Variants in MEIS3 observed in about 807,000 individuals in gnomAD.
MEIS3 encodes homeobox protein Meis3.
Under a neutral mutation model 51.4 loss-of-function variants are expected in MEIS3, and 38 were observed. The observed-to-expected ratio is 0.74, with a 90% confidence interval of 0.57 to 0.97. MEIS3 has a LOEUF of 0.97. MEIS3 is among the 50% of genes least tolerant of loss of function. The probability of loss-of-function intolerance (pLI) is 0.00; values close to 1 mark genes in which losing one functional copy is unlikely to be tolerated. For synonymous variants in MEIS3, 198 were observed against 201.8 expected (o/e 0.98, Z 0.16); for missense variants, 456 against 502.6 (o/e 0.91, Z 0.89).
intron 6 of MEIS3, among the ~76,000 whole-genome samples, chr19:47,410,715 G>A (rs1014843204): frequency 6.6e-6 from 1 of 151,488 alleles, no homozygotes; most frequent in African/African-American, 2.4e-5. Flanking sequence ...GCAGTGAGCC[G>A]AGATCACACC....
chr19:47,407,891 T>C (rs1351377116), intron 8 of MEIS3, among the ~76,000 whole-genome samples: 1 of 152,092 alleles, frequency 6.6e-6, no homozygotes, highest in Non-Finnish European at 1.5e-5. Flanking sequence ...CACCGCAAAC[T>C]CCGCCTCCGG....
chr19:47,420,889 C>T (rs1331388149), upstream of MEIS3, among the ~76,000 whole-genome samples: 4 of 124,114 alleles, frequency 3.2e-5, no homozygotes, highest in Non-Finnish European at 7.0e-5. Context: ...GTCTCTGTCT[C>T]TCGCTCTCTC....
At chr19:47,417,602 G>C (rs1256236145) in intron 1 of MEIS3, 16 of 703,456 alleles carry the variant, frequency 2.3e-5, no homozygotes, top group Non-Finnish European at 3.4e-5. Context: ...CAGAGGGAGA[G>C]ACGGCAGGGT....
chr19:47,419,838 G>C (rs1971640672), upstream of MEIS3, among the ~76,000 whole-genome samples: 1 of 151,960 alleles, frequency 6.6e-6, no homozygotes, highest in Non-Finnish European at 1.5e-5. Flanking sequence ...CTGGCTCTCT[G>C]TTCTCCGAGC....
At chr19:47,417,514 C>T (rs1187631595) in intron 1 of MEIS3, 164 bp from the exon 2 acceptor site, 2 of 862,096 alleles carry the variant, frequency 2.3e-6, no homozygotes, top group Non-Finnish European at 3.8e-6. Context: ...TGAAGCCCTC[C>T]AGGTCCCCTG....
chr19:47,419,875 C>T (rs188637337), upstream of MEIS3, among the ~76,000 whole-genome samples: 938 of 152,270 alleles, frequency 6.2e-3, 7 homozygotes, highest in African/African-American at 0.021. Context: ...GGACCCCCTC[C>T]CTGGCCATCT....
At position 47,414,904 on chromosome 19, in the gene MEIS3, G is replaced by A. The variant is rs759440445; in HGVS notation, c.448-38C>T. 7.9e-5 allele frequency: 111 copies of A among 1,413,390 alleles called. 1 individual carries two copies. The highest frequency in any genetic ancestry group is 4.7e-4 in the Admixed American group (27 of 57,334). 87.6% of individuals were successfully genotyped at this position (1,413,390 alleles called of 1,614,324 possible). A position where few individuals can be genotyped will look rare whatever the true frequency, so the allele number is the denominator to read the frequency against. On this transcript the variant is annotated intron_variant, in intron 5 of 12. Transcript: ENST00000558555. ...CGGGGTACTGGGGGGGGCCACCCACGGGGGCAGGGCGGGGGTGCTCAGGGA... is the reference window on the plus strand; with the variant it reads ...CGGGGTACTGGGGGGGGCCACCCACAGGGGCAGGGCGGGGGTGCTCAGGGA...
chr19:47,409,287 G>C (rs758880604), intron 7 of MEIS3, 40 bp from the exon 8 acceptor site: 5 of 1,592,036 alleles, frequency 3.1e-6, no homozygotes, highest in Non-Finnish European at 3.4e-6. Flanking sequence ...GGGTAGTGAA[G>C]AGTGGAGGAC....
chr19:47,404,370 C>T (rs1305291232), intron 12 of MEIS3, among the ~76,000 whole-genome samples: 2 of 152,138 alleles, frequency 1.3e-5, no homozygotes, highest in African/African-American at 4.8e-5. Flanking sequence ...ATCTCTCTCC[C>T]AGGCTCGGCC....
upstream of MEIS3, among the ~76,000 whole-genome samples, chr19:47,420,503 T>C (rs1409532390): frequency 7.2e-6 from 1 of 138,258 alleles, no homozygotes; most frequent in Non-Finnish European, 1.5e-5. Flanking sequence ...GGGAGGTAAC[T>C]CCAGTGACGG....
intron 4 of MEIS3, among the ~76,000 whole-genome samples, chr19:47,415,617 A>G (rs1247552550): frequency 2.3e-5 from 3 of 130,968 alleles, no homozygotes; most frequent in African/African-American, 9.0e-5. Context: ...TCTGTTGCCC[A>G]GGCTGGAATG....
upstream of MEIS3, among the ~76,000 whole-genome samples, chr19:47,420,575 T>TGGGA (rs1971670428): frequency 9.3e-5 from 7 of 75,414 alleles, no homozygotes; most frequent in African/African-American, 3.6e-4. Flanking sequence ...GAGAGAGAGG[T>TGGGA]GCAGACAGAG....
chr19:47,415,754 A>C (rs1971381674), intron 4 of MEIS3: 1 of 151,846 alleles, frequency 6.6e-6, no homozygotes, highest in African/African-American at 2.4e-5. Flanking sequence ...TTGTATTTTT[A>C]GTAGAGACAG....
chr19:47,409,273 G>A, intron 7 of MEIS3, 26 bp from the exon 8 acceptor site: 1 of 1,597,020 alleles, frequency 6.3e-7, no homozygotes, highest in Non-Finnish European at 8.5e-7. Context: ...CATGCTGTGT[G>A]TGTGGGTAGT....
In MEIS3 at chr19:47,414,868, T is replaced by C; in HGVS notation, c.448-2A>G. The C allele has an allele frequency of 8.6e-7, 1 of 1,156,198 alleles. No individual in the cohort carries two copies. The highest frequency in any genetic ancestry group is 1.1e-6 in the Non-Finnish European group (1 of 906,994). 71.6% of individuals were successfully genotyped at this position (1,156,198 alleles called of 1,614,324 possible). On this transcript the variant is annotated splice_acceptor_variant, in intron 5 of 12. Coordinates refer to ENST00000558555, the MANE Select transcript of MEIS3 (RefSeq NM_001301059.2). LOFTEE classifies it high-confidence loss of function. ...GAAGTTGTCGCACAGGTCGTGGACC[T>C]GGGGGGGCACCGGGGTACTGGGGGG...
chr19:47,404,735 C>G (rs575017399), intron 12 of MEIS3, among the ~76,000 whole-genome samples: 2 of 152,200 alleles, frequency 1.3e-5, no homozygotes, highest in East Asian at 1.9e-4. Context: ...CACCTCCCCC[C>G]ATCCCAGGTC....
At chr19:47,403,643 T>C in intron 12 of MEIS3, 90 bp from the exon 13 acceptor site, 1 of 344,682 alleles carries the variant, frequency 2.9e-6, no homozygotes, top group Non-Finnish European at 5.7e-6. Flanking sequence ...TCAGCCCCAA[T>C]GTGAGGGGGA....
upstream of MEIS3, among the ~76,000 whole-genome samples, chr19:47,421,688 G>T (rs372900551): frequency 5.9e-5 from 9 of 151,288 alleles, no homozygotes; most frequent in Admixed American, 5.9e-4. Context: ...CTCCATCTCC[G>T]CCTGGGCTAT....
upstream of MEIS3, among the ~76,000 whole-genome samples, chr19:47,422,040 T>C (rs1156447934): frequency 6.6e-6 from 1 of 151,776 alleles, no homozygotes. Context: ...AACATTTATC[T>C]TGGTGGGGGC....
Sources: gnomAD v4.1 joint callset for allele counts (sites outside exome capture counted in the v4.1 genomes callset) on GRCh38, gnomAD v4.1.1 for gene constraint, MANE v1.5 for transcripts, NCBI Gene and HGNC (gene_info 2026-07-23, HGNC 2026-07-21) for gene names.